ADK: variants seen among roughly 807,000 people sequenced by gnomAD.
ADK encodes the protein N6,N6-dimethyladenosine kinase.
ADK carries 24 observed loss-of-function variants against 44.7 expected under a neutral mutation model. That is an observed-to-expected ratio of 0.54 (90% CI 0.39 to 0.76). The LOEUF is 0.76. Ranked by LOEUF, ADK falls within the 30% of genes least tolerant of loss-of-function variation. ADK has a pLI of 0.00. For missense variants in ADK, 321 were observed against 425.1 expected, an observed-to-expected ratio of 0.76 and a Z score of 2.15; for synonymous variants, 128 against 142.6, an observed-to-expected ratio of 0.90 and a Z score of 0.73.
intron 6 of ADK, among the ~76,000 whole-genome samples, chr10:74,485,084 A>G (rs1423328621): frequency 6.6e-6 from 1 of 152,210 alleles, no homozygotes; most frequent in Admixed American, 6.5e-5. Flanking sequence ...TACCTTTAAA[A>G]GATTAAAAGG....
intron 2 of ADK, among the ~76,000 whole-genome samples, chr10:74,222,797 T>C (rs539652813): frequency 0.034 from 4,729 of 137,844 alleles, 269 homozygotes; most frequent in African/African-American, 0.12. Context: ...CACTCATAGG[T>C]GGGAATTGAA....
At chr10:74,151,786 G>A (rs144687522) in intron 1 of ADK, among the ~76,000 whole-genome samples, 347 of 152,324 alleles carry the variant, frequency 2.3e-3, no homozygotes, top group African/African-American at 7.8e-3. Flanking sequence ...TTGCGGAAGG[G>A]CACGTTGACC....
chr10:74,482,722 A>G (rs928219931), intron 6 of ADK, among the ~76,000 whole-genome samples: 2 of 152,236 alleles, frequency 1.3e-5, no homozygotes, highest in African/African-American at 4.8e-5. Flanking sequence ...AAATCAGCCA[A>G]AAGAGAGGGG....
At chr10:74,604,613 A>G (rs1852253426) in intron 9 of ADK, among the ~76,000 whole-genome samples, 1 of 152,120 alleles carries the variant, frequency 6.6e-6, no homozygotes, top group Admixed American at 6.5e-5. Flanking sequence ...ATTGATCTAT[A>G]TATCTGTTTT....
Position 74,382,506 on chromosome 10 carries a change from A to G in ADK, c.274-11635A>G, listed in dbSNP as rs183034113. Among the ~76,000 whole-genome samples the G allele has an allele frequency of 9.2e-5, 14 of 152,272 alleles. No individual in the cohort carries two copies. In the East Asian group the frequency reaches 2.1e-3, roughly 23 times the overall value. ...ATTCTTTTGTTCTGATGAAAGTCAC[A>G]TTGAATTAAAACTTGACACCTATTG... is the stretch of plus-strand genomic sequence containing the variant. On this transcript the variant is annotated intron_variant, in intron 4 of 10. Coordinates refer to ENST00000539909, the MANE Select transcript of ADK (RefSeq NM_006721.4).
intron 1 of ADK, among the ~76,000 whole-genome samples, chr10:74,160,831 G>A (rs746114496): frequency 2.0e-5 from 3 of 151,956 alleles, no homozygotes; most frequent in Non-Finnish European, 4.4e-5. Flanking sequence ...CAACAACTCC[G>A]ACAGGACCTT....
intron 6 of ADK, among the ~76,000 whole-genome samples, chr10:74,466,928 A>T (rs1846377821): frequency 6.6e-6 from 1 of 152,148 alleles, no homozygotes; most frequent in Non-Finnish European, 1.5e-5. Context: ...AGATAAATTT[A>T]TGAAATTGCA....
chr10:74,615,898 G>A (rs1017682431), intron 9 of ADK, among the ~76,000 whole-genome samples: 6 of 151,786 alleles, frequency 4.0e-5, no homozygotes, highest in Admixed American at 1.3e-4. Flanking sequence ...TAGTAGTGAC[G>A]GGGTTTCACC....
chr10:74,555,001 A>C (rs1850187962), intron 7 of ADK, among the ~76,000 whole-genome samples: 1 of 152,202 alleles, frequency 6.6e-6, no homozygotes, highest in African/African-American at 2.4e-5. Context: ...ACTTTTAAAA[A>C]ATAATTTATG....
At chr10:74,497,141 C>T (rs1200816289) in intron 6 of ADK, among the ~76,000 whole-genome samples, 2 of 152,128 alleles carry the variant, frequency 1.3e-5, no homozygotes, top group Non-Finnish European at 2.9e-5. Context: ...ATCTTCTTTA[C>T]CCTAGTTAAA....
At chr10:74,631,936 T>C (rs1853439750) in intron 9 of ADK, among the ~76,000 whole-genome samples, 1 of 152,192 alleles carries the variant, frequency 6.6e-6, no homozygotes. Flanking sequence ...TTATCTTTTC[T>C]GTATTTCTTC....
At chr10:74,478,005 G>T (rs1846922310) in intron 6 of ADK, among the ~76,000 whole-genome samples, 1 of 152,150 alleles carries the variant, frequency 6.6e-6, no homozygotes. Context: ...AGTTTGACCA[G>T]ATACAAAATT....
chr10:74,419,938 A>G (rs1844501057), intron 6 of ADK, among the ~76,000 whole-genome samples: 1 of 152,172 alleles, frequency 6.6e-6, no homozygotes, highest in Admixed American at 6.5e-5. Flanking sequence ...ATTTAAATCT[A>G]CTTCTATCCC....
chr10:74,175,764 AAAAT>A lies in ADK; in HGVS notation c.65+24425_65+24428del, dbSNP rs1305837068. Among the ~76,000 whole-genome samples, 6 of 152,248 alleles carry A rather than the reference AAAAT, an allele frequency of 3.9e-5. No individual in the cohort carries two copies. In the East Asian group the frequency reaches 9.6e-4, roughly 24 times the overall value. On this transcript the variant is annotated intron_variant, in intron 1 of 10. Transcript: ENST00000539909. ...AACATAGTGAGACCCTGTCTCTACA[AAAAT>A]AAAAAAATGAAAATTAAAAAAATTA... is the stretch of plus-strand genomic sequence containing the variant.
intron 6 of ADK, among the ~76,000 whole-genome samples, chr10:74,446,865 C>T (rs1845604656): frequency 6.6e-6 from 1 of 152,096 alleles, no homozygotes; most frequent in African/African-American, 2.4e-5. Context: ...TAAATCACTG[C>T]ATGGTTCTCA....
At chr10:74,474,536 T>TTCCTTTCTC (rs1301992647) in intron 6 of ADK, among the ~76,000 whole-genome samples, 2 of 151,464 alleles carry the variant, frequency 1.3e-5, no homozygotes, top group Non-Finnish European at 3.0e-5. Flanking sequence ...TTTCCTTTCT[T>TTCCTTTCTC]TCCTTTCTCT....
At chr10:74,374,739 C>T (rs1264908382) in intron 4 of ADK, among the ~76,000 whole-genome samples, 2 of 151,958 alleles carry the variant, frequency 1.3e-5, no homozygotes, top group Non-Finnish European at 2.9e-5. Context: ...GCCCATGTCT[C>T]TCTGTGTTTT....
intron 7 of ADK, among the ~76,000 whole-genome samples, chr10:74,558,335 C>G (rs1033233589): frequency 6.6e-6 from 1 of 152,176 alleles, no homozygotes; most frequent in East Asian, 1.9e-4. Context: ...GTAGCTAGGA[C>G]TACAGGCACA....
chr10:74,222,803 T>C (rs951477919), intron 2 of ADK, among the ~76,000 whole-genome samples: 4 of 141,032 alleles, frequency 2.8e-5, no homozygotes, highest in East Asian at 4.2e-4. Context: ...TAGGTGGGAA[T>C]TGAACAATGA....
Sources: allele counts gnomAD v4.1 joint callset (sites outside exome capture counted in the v4.1 genomes callset), GRCh38; gene constraint gnomAD v4.1.1; transcripts MANE v1.5; gene names NCBI Gene and HGNC (gene_info 2026-07-23, HGNC 2026-07-21).